INO80: variants seen among roughly 807,000 people sequenced by gnomAD.
The protein encoded by INO80 is INO80 complex ATPase subunit.
Under a neutral mutation model 203.4 loss-of-function variants are expected in INO80, and 20 were observed. The observed-to-expected ratio is 0.10, with a 90% CI of 0.07 to 0.14. The LOEUF (loss-of-function observed/expected upper bound fraction) is 0.14, where lower values mean the gene tolerates loss of function less well. Ranked by LOEUF, INO80 falls within the 10% of genes least tolerant of loss-of-function variation. The pLI, the probability that INO80 is intolerant of heterozygous loss-of-function variation, is 1.00. For synonymous variants in INO80, 726 were observed against 685.2 expected (o/e 1.06, Z -0.93); for missense variants, 1,419 against 1,914.4 (o/e 0.74, Z 4.83).
rs921055402 is a variant in INO80 at position 40,979,843 on chromosome 15, C to A, written c.*380G>T. On this transcript the variant is annotated 3_prime_UTR_variant, in exon 36 of 36. Transcript: ENST00000648947. ...CTCTACCATGGAAGGCTCTTCACAG[C>A]ACCTGCGGAGACTTTGCAAGGGACG... The A allele has an allele frequency of 1.2e-5, 3 of 256,928 alleles. No individual in the cohort carries two copies. In the South Asian group the frequency reaches 1.6e-4, roughly 13 times the overall value. 15.9% of individuals were successfully genotyped at this position (256,928 alleles called of 1,614,324 possible).
Position 41,053,927 on chromosome 15 carries a change from A to G in INO80, c.2274+2T>C. 2 of 1,611,950 alleles carry G rather than the reference A, an allele frequency of 1.2e-6. No individual in the cohort carries two copies. The highest frequency in any genetic ancestry group is 1.7e-6 in the Non-Finnish European group (2 of 1,178,258). On this transcript the variant is annotated splice_donor_variant, in intron 19 of 35. Coordinates refer to ENST00000648947, the MANE Select transcript of INO80 (RefSeq NM_017553.3). LOFTEE classifies it high-confidence loss of function. ...TAAACACATGAGGTCTTCTTTACTT[A>G]CCTTGTCAGATAATTCATTTTCCAC...
intron 6 of INO80, among the ~76,000 whole-genome samples, chr15:41,086,494 T>A (rs1381597025): frequency 6.6e-6 from 1 of 151,816 alleles, no homozygotes; most frequent in Non-Finnish European, 1.5e-5. Flanking sequence ...CTACTAAAAA[T>A]ACAAAAATTA....
chr15:41,073,280 T>G, intron 11 of INO80, 148 bp downstream of exon 11: 1 of 656,852 alleles, frequency 1.5e-6, no homozygotes, highest in Non-Finnish European at 2.7e-6. Context: ...CTCCACCCCC[T>G]ACACACAGCT....
chr15:41,047,138 TG>T (rs2044782304), intron 23 of INO80, among the ~76,000 whole-genome samples: 1 of 151,946 alleles, frequency 6.6e-6, no homozygotes, highest in Admixed American at 6.6e-5. Context: ...CGGCTACTTT[TG>T]TATTTTTTAG....
chr15:41,108,824 T>C (rs1052606618), intron 1 of INO80: 1 of 152,234 alleles, frequency 6.6e-6, no homozygotes, highest in African/African-American at 2.4e-5. Context: ...AGGACGTCCA[T>C]CCTCAGAACC....
chr15:41,066,509 A>G, intron 14 of INO80, among the ~76,000 whole-genome samples: 1 of 151,902 alleles, frequency 6.6e-6, no homozygotes, highest in East Asian at 1.9e-4. Context: ...TTTTGTCACA[A>G]TAAAAAATAT....
chr15:41,050,984 C>T (rs2044858807), intron 19 of INO80, among the ~76,000 whole-genome samples: 1 of 151,826 alleles, frequency 6.6e-6, no homozygotes, highest in African/African-American at 2.4e-5. Flanking sequence ...CAAAAATTAG[C>T]AGGGTGTGGT....
chr15:41,063,759 C>T (rs2045159719), intron 14 of INO80, among the ~76,000 whole-genome samples: 1 of 152,020 alleles, frequency 6.6e-6, no homozygotes, highest in African/African-American at 2.4e-5. Context: ...GACAGATAGA[C>T]TCCGTCTCAA....
chr15:41,020,508 T>C (rs2044276655), intron 26 of INO80, among the ~76,000 whole-genome samples: 2 of 152,232 alleles, frequency 1.3e-5, no homozygotes, highest in African/African-American at 4.8e-5. Context: ...TAGTGCTTCA[T>C]GTAGGACACT....
chr15:41,095,963 G>T, intron 2 of INO80, 35 bp from the exon 3 acceptor site: 2 of 1,577,802 alleles, frequency 1.3e-6, no homozygotes, highest in South Asian at 1.1e-5. Flanking sequence ...AATTACAGCT[G>T]ACCCAATAAA....
intron 27 of INO80, among the ~76,000 whole-genome samples, chr15:41,010,472 T>C (rs1245355266): frequency 1.3e-5 from 2 of 152,066 alleles, no homozygotes; most frequent in African/African-American, 4.8e-5. Context: ...TTGTCCCTCC[T>C]ATCTTACAGA....
chr15:41,055,217 G>T, intron 18 of INO80, 30 bp downstream of exon 18: 2 of 1,291,948 alleles, frequency 1.5e-6, no homozygotes, highest in Non-Finnish European at 1.1e-6. Flanking sequence ...CTGATAGGTA[G>T]ATAGAAAGCC....
At chr15:41,082,688 G>T (rs1419398420) in intron 7 of INO80, among the ~76,000 whole-genome samples, 1 of 151,842 alleles carries the variant, frequency 6.6e-6, no homozygotes, top group Non-Finnish European at 1.5e-5. Context: ...TGGGTGACAA[G>T]AGCGAAACTC....
At chr15:41,114,468 GGA>G (rs1270186608) in intron 1 of INO80, among the ~76,000 whole-genome samples, 4 of 152,036 alleles carry the variant, frequency 2.6e-5, no homozygotes, top group African/African-American at 9.7e-5. Context: ...CAGCACTCTG[GGA>G]GGCCAAGGCA....
At chr15:41,029,400 C>G (rs1038414588) in intron 24 of INO80, among the ~76,000 whole-genome samples, 3 of 152,212 alleles carry the variant, frequency 2.0e-5, no homozygotes, top group Non-Finnish European at 2.9e-5. Context: ...TTCCCTGAAC[C>G]AATCAGCATC....
Position 41,049,366 on chromosome 15 carries a change from T to C in INO80, c.2497A>G (p.Ile833Val). Residue 833 changes from isoleucine to valine, a missense_variant, in exon 21 of 36, where the codon ATT becomes GTT. Ile to Val is a conservative substitution (Grantham distance 29, BLOSUM62 3). This residue lies in a region of INO80 where 302 missense variants were observed against 345.4 expected (regional missense o/e 0.87). Coordinates refer to ENST00000648947, the MANE Select transcript of INO80 (RefSeq NM_017553.3). ...ERQETWSPFHISLKPYHISKF... is the reference protein window; with the variant it reads ...ERQETWSPFHVSLKPYHISKF... ...GAAATGTGGTATGGCTTTAGGGAAA[T>C]ATGAAATGGAGACCAAGTTTCTTGC... The C allele has an allele frequency of 6.2e-7, 1 of 1,613,744 alleles. No homozygotes were observed. The highest frequency in any genetic ancestry group is 2.2e-5 in the East Asian group (1 of 44,864).
Position 41,073,469 on chromosome 15 carries a change from G to C in INO80, c.1354C>G (p.Leu452Val), listed in dbSNP as rs1246152764. 1 of 1,614,070 alleles carries C rather than the reference G, an allele frequency of 6.2e-7. No homozygotes were observed. ...TGGTAAGCATTTTCAGCATTCTTCA[G>C]GGCCTGGGCTTTAAAATGGTTACTA... ...YDSNHFKAQA[L>V]KNAENAYHIH... Residue 452 changes from leucine (L) to valine (V), a missense_variant, in exon 11 of 36, where the codon CTG (leucine) becomes GTG (valine). Transcript: ENST00000648947.
intron 24 of INO80, among the ~76,000 whole-genome samples, chr15:41,042,973 A>G (rs1164672833): frequency 6.6e-6 from 1 of 152,200 alleles, no homozygotes; most frequent in Admixed American, 6.5e-5. Flanking sequence ...CCACTACAAG[A>G]GCAAATTAAA....
rs558520893 is a variant in INO80 at position 41,109,465 on chromosome 15, G to GTAAT, written c.-44+6504_-44+6507dup. ...GGCACTTCAAAAAAAGTACTAATGA[G>GTAAT]TAATTGGCCACTGCCGTATTTATTA... is the stretch of plus-strand genomic sequence containing the variant. On this transcript the variant is annotated intron_variant, in intron 1 of 35. Transcript: ENST00000648947. Among the ~76,000 whole-genome samples the GTAAT allele has an allele frequency of 2.2e-4, 34 of 151,490 alleles. No individual in the cohort carries two copies. The South Asian group carries it at 7.1e-3, about 32-fold the overall frequency.
Sources: gnomAD v4.1 joint callset for allele counts (sites outside exome capture counted in the v4.1 genomes callset) on GRCh38, gnomAD v4.1.1 for gene constraint, gnomAD v4.1.1 regional missense constraint, MANE v1.5 for transcripts, NCBI Gene and HGNC (gene_info 2026-07-23, HGNC 2026-07-21) for gene names.